The following PFKFB3 variants were observed in gnomAD, a reference collection of about 807,000 sequenced individuals.
PFKFB3 encodes the protein 6-phosphofructo-2-kinase/fructose-2,6-biphosphatase 3, also known as 6-phosphofructo-2-kinase/fructose-2,6-bisphosphatase 3.
PFKFB3 carries 33 observed loss-of-function variants against 68.0 expected under a neutral mutation model. The ratio of observed to expected loss-of-function variants is 0.49; its 90% CI spans 0.37 to 0.65. The LOEUF is 0.65. PFKFB3 is among the 30% of genes least tolerant of loss of function. The pLI, the probability that PFKFB3 is intolerant of heterozygous loss-of-function variation, is 0.00. For missense variants in PFKFB3, 586 were observed against 712.2 expected (o/e 0.82, Z 2.02); for synonymous variants, 315 against 288.2 (o/e 1.09, Z -0.94).
the PFKFB3 span, among the ~76,000 whole-genome samples, chr10:6,303,634 G>C: frequency 2.0e-5 from 3 of 152,008 alleles, no homozygotes; most frequent in African/African-American, 7.2e-5. Context: ...CCAACATAGT[G>C]AAACCCCATC....
the PFKFB3 span, among the ~76,000 whole-genome samples, chr10:6,269,919 T>C: frequency 6.6e-6 from 1 of 151,960 alleles, no homozygotes; most frequent in Non-Finnish European, 1.5e-5. Flanking sequence ...TCACCTGAGA[T>C]CAGGAGTTTG....
rs1844847678 is a variant in PFKFB3, at chr10:6,220,062, T to C, written c.623+369T>C. ...GATAGTTCCTTTCTTTTTTCTTTCC[T>C]TTCTTTCCATTTATTTATTTATTTA... On this transcript the variant is annotated intron_variant, in intron 7 of 14. Transcript: ENST00000379775. This position sits in a 1 kb window ranked among gnomAD's most constrained non-coding sequence, Gnocchi z 4.1. Among the ~76,000 whole-genome samples, 1 of 152,142 alleles carries C rather than the reference T, an allele frequency of 6.6e-6. No individual in the cohort carries two copies. Among genetic ancestry groups the C allele is most frequent in the Non-Finnish European group, 1.5e-5 (1 of 68,040 alleles).
chr10:6,183,678 A>G (rs1279215246), intron 1 of PFKFB3, among the ~76,000 whole-genome samples: 1 of 148,322 alleles, frequency 6.7e-6, no homozygotes, highest in Non-Finnish European at 1.5e-5. Flanking sequence ...TTTTGAAAGC[A>G]GGAATTTTTT....
At chr10:6,308,537 G>A in the PFKFB3 span, among the ~76,000 whole-genome samples, 11 of 152,118 alleles carry the variant, frequency 7.2e-5, no homozygotes, top group South Asian at 2.3e-3. Context: ...AAAATAAACA[G>A]GGAAGAAAAC....
rs200366046 is a variant in PFKFB3, at chr10:6,225,256, T to C, written c.1342-936T>C. ...ATGGCGTTCCCGAAACAGGTGACTGTCTAGTCCCAGGAAGCTTGGCCTTCG... is the reference window on the plus strand; with the variant it reads ...ATGGCGTTCCCGAAACAGGTGACTGCCTAGTCCCAGGAAGCTTGGCCTTCG... On this transcript the variant is annotated intron_variant, in intron 13 of 14. Coordinates refer to ENST00000379775, the MANE Select transcript of PFKFB3 (RefSeq NM_004566.4). 1.1e-5 allele frequency: 5 copies of C among 455,120 alleles called. No individual in the cohort carries two copies. In the East Asian group the frequency reaches 3.5e-4, roughly 32 times the overall value. The allele number at this position is 455,120 out of a possible 1,614,324, so 28.2% of individuals were successfully genotyped here. A position where few individuals can be genotyped will look rare whatever the true frequency, so the allele number is the denominator to read the frequency against.
In PFKFB3 at chr10:6,221,485, G is replaced by C. The variant is rs1844954197; in HGVS notation, c.936G>C (p.Arg312=). The change falls in exon 9 of 15, where the codon CGG becomes CGC. Residue 312 remains arginine (R), a synonymous_variant. Coordinates refer to ENST00000379775, the MANE Select transcript of PFKFB3 (RefSeq NM_004566.4). ...KSTIQTAEAL[R]LPYEQWKALN... ...CCATCCAGACGGCCGAGGCGCTGCG[G>C]CTGCCCTACGAGCAGTGGAAGGCGC... 6.2e-7 allele frequency: 1 copy of C among 1,613,454 alleles called. No homozygotes were observed. Among genetic ancestry groups the C allele is most frequent in the African/African-American group, 1.3e-5 (1 of 74,940 alleles).
chr10:6,257,825 G>A (rs986442581), downstream of PFKFB3, among the ~76,000 whole-genome samples: 5 of 152,136 alleles, frequency 3.3e-5, no homozygotes, highest in Admixed American at 6.5e-5. Flanking sequence ...ATTTCAGATC[G>A]GGTCTGGCAC....
chr10:6,165,400 C>T (rs1842102469), intron 1 of PFKFB3, among the ~76,000 whole-genome samples: 1 of 152,194 alleles, frequency 6.6e-6, no homozygotes, highest in Non-Finnish European at 1.5e-5. Context: ...AATGGAGTTT[C>T]TTGCGTCTTC....
downstream of PFKFB3, among the ~76,000 whole-genome samples, chr10:6,237,573 A>G (rs149981824): frequency 6.6e-6 from 1 of 152,316 alleles, no homozygotes; most frequent in East Asian, 1.9e-4. Context: ...TGTGAGTTCT[A>G]AAGTTTGTTT....
chr10:6,179,477 G>A (rs1842641931), intron 1 of PFKFB3, among the ~76,000 whole-genome samples: 1 of 152,236 alleles, frequency 6.6e-6, no homozygotes, highest in South Asian at 2.1e-4. Flanking sequence ...GGCAGGAATG[G>A]AGCATGGGGG....
At chr10:6,164,687 G>A (rs1463385865) in intron 1 of PFKFB3, among the ~76,000 whole-genome samples, 1 of 152,144 alleles carries the variant, frequency 6.6e-6, no homozygotes, top group East Asian at 1.9e-4. Flanking sequence ...GGGGAGTGTA[G>A]CAGGGCAACA....
chr10:6,293,891 A>G, the PFKFB3 span: 1 of 456,324 alleles, frequency 2.2e-6, no homozygotes, highest in Non-Finnish European at 4.4e-6. Flanking sequence ...TGCTGAACAC[A>G]TATACCATTA....
intron 1 of PFKFB3, among the ~76,000 whole-genome samples, chr10:6,186,965 T>C (rs899399913): frequency 2.6e-5 from 4 of 152,118 alleles, no homozygotes; most frequent in African/African-American, 4.8e-5. Flanking sequence ...TCAGAGGCTA[T>C]GTTGCCTCCC....
intron 1 of PFKFB3, among the ~76,000 whole-genome samples, chr10:6,182,155 A>T (rs561649396): frequency 6.6e-6 from 1 of 152,218 alleles, no homozygotes; most frequent in African/African-American, 2.4e-5. Flanking sequence ...GTCTTGGCGG[A>T]TTCTTCCTCC....
chr10:6,179,863 A>G lies in PFKFB3; in HGVS notation c.17-33760A>G, dbSNP rs559793921. On this transcript the variant is annotated intron_variant, in intron 1 of 14. Coordinates refer to the PFKFB3 transcript ENST00000379789. ...GGGAGGGAGTGGTTGTTCCCAGGTG[A>G]TAAGTGATGAGAAGACCGTTGAGCC... 1.4e-3 allele frequency among the ~76,000 whole-genome samples: 216 copies of G among 152,238 alleles called. 1 individual carries two copies. The highest frequency in any genetic ancestry group is 5.0e-3 in the African/African-American group (208 of 41,534).
intron 1 of PFKFB3, among the ~76,000 whole-genome samples, chr10:6,176,430 T>TG (rs1429469841): frequency 1.3e-5 from 2 of 152,156 alleles, no homozygotes; most frequent in Non-Finnish European, 2.9e-5. Context: ...GTGCAAGAGA[T>TG]GGGGTCTCCC....
intron 1 of PFKFB3, among the ~76,000 whole-genome samples, chr10:6,156,589 C>A (rs1337669942): frequency 6.6e-6 from 1 of 151,918 alleles, no homozygotes; most frequent in Non-Finnish European, 1.5e-5. Context: ...CTCACTGCAA[C>A]CTCTGCCTCC....
At chr10:6,232,745 A>G (rs1845823104) in intron 14 of PFKFB3, 150 bp from the exon 15 acceptor site, 4 of 673,260 alleles carry the variant, frequency 5.9e-6, no homozygotes, top group African/African-American at 1.8e-5. Flanking sequence ...CCCGCCTGTG[A>G]GGTTGGCAGC....
chr10:6,223,943 C>T lies in PFKFB3; in HGVS notation c.1214-15C>T, dbSNP rs12783826. 25,529 of 1,611,266 alleles carry T rather than the reference C, an allele frequency of 0.016. 265 individuals are homozygous for T. The highest frequency in any genetic ancestry group is 0.021 in the Middle Eastern group (129 of 6,052). On this transcript the variant is annotated splice_polypyrimidine_tract_variant and intron_variant, in intron 11 of 14. Coordinates refer to ENST00000379775, the MANE Select transcript of PFKFB3 (RefSeq NM_004566.4). ...TGTCTCATTTCTAACTGTGGGTGTA[C>T]AATTTCAATTTCAGAGGAGATGCCC... is the stretch of plus-strand genomic sequence containing the variant.
Sources: gnomAD v4.1 joint callset for allele counts (sites outside exome capture counted in the v4.1 genomes callset) on GRCh38, gnomAD v4.1.1 for gene constraint, Gnocchi (gnomAD v3.1) non-coding constraint, MANE v1.5 for transcripts, NCBI Gene and HGNC (gene_info 2026-07-23, HGNC 2026-07-21) for gene names.